The following ZNF384 variants were observed in gnomAD, a reference collection of about 807,000 sequenced individuals.
ZNF384 encodes the protein CAG repeat protein 1.
ZNF384 carries 20 observed loss-of-function variants against 65.0 expected under a neutral mutation model. That is an observed-to-expected ratio of 0.31 (90% CI 0.22 to 0.45). ZNF384 has a LOEUF of 0.45. Ranked by LOEUF, ZNF384 falls within the 20% of genes least tolerant of loss-of-function variation. The pLI, the probability that ZNF384 is intolerant of heterozygous loss-of-function variation, is 1.00. For synonymous variants in ZNF384, 310 were observed against 303.9 expected (o/e 1.02, Z -0.21); for missense variants, 549 against 769.4 (o/e 0.71, Z 3.39).
At chr12:6,685,776 C>CAAAAAAAAAAAAA (rs778337408) in intron 2 of ZNF384, among the ~76,000 whole-genome samples, 1 of 43,232 alleles carries the variant, frequency 2.3e-5, no homozygotes, top group Non-Finnish European at 4.7e-5. Flanking sequence ...GACTCAGTCT[C>CAAAAAAAAAAAAA]AAAAAAAAAA....
At chr12:6,669,319 T>C (rs1253555111) in intron 10 of ZNF384, 130 bp from the exon 11 acceptor site, 14 of 934,830 alleles carry the variant, frequency 1.5e-5, no homozygotes, top group Non-Finnish European at 1.9e-5. Flanking sequence ...AAAGTAGAAA[T>C]TGTTTCAAAT....
In ZNF384 at chr12:6,673,467, A is replaced by C. The variant is rs1166080849; in HGVS notation, c.780-27T>G. On this transcript the variant is annotated intron_variant, in intron 7 of 11. Transcript: ENST00000683879. This position sits in a 1 kb window ranked among gnomAD's most constrained non-coding sequence, Gnocchi z 4.7. ...TGAGCCAAGTGAGGGCAATGGTTAGAACCCTTCCCATCAAGAAGGTGTGGC... is the reference window on the plus strand; with the variant it reads ...TGAGCCAAGTGAGGGCAATGGTTAGCACCCTTCCCATCAAGAAGGTGTGGC... 1 of 1,604,562 alleles carries C rather than the reference A, an allele frequency of 6.2e-7. No homozygotes were observed. The highest frequency in any genetic ancestry group is 8.5e-7 in the Non-Finnish European group (1 of 1,173,180).
chr12:6,667,358 T>C lies in ZNF384; in HGVS notation c.*356A>G, dbSNP rs1017576516. On this transcript the variant is annotated 3_prime_UTR_variant, in exon 12 of 12. Coordinates refer to ENST00000683879, the MANE Select transcript of ZNF384 (RefSeq NM_001385745.1). ...CTCTAGTCTTACATCAGCCCAAACT[T>C]TGAGGATAAGGAGGGTAAGGATAGG... is the stretch of plus-strand genomic sequence containing the variant. 3.9e-5 allele frequency: 17 copies of C among 430,816 alleles called. No individual in the cohort carries two copies. Among genetic ancestry groups the C allele is most frequent in the Non-Finnish European group, 7.0e-5 (16 of 230,084 alleles). 26.7% of individuals were successfully genotyped at this position (430,816 alleles called of 1,614,324 possible).
At position 6,674,644 on chromosome 12, in the gene ZNF384, T is replaced by G. The variant is rs145865776; in HGVS notation, c.780-1204A>C. On this transcript the variant is annotated intron_variant, in intron 7 of 11. Transcript: ENST00000683879. ...GCAGGAGAGAGGGGGAGGCTCTGTTTATAGTGAGCATAATCCAAAGGACAC... is the reference window on the plus strand; with the variant it reads ...GCAGGAGAGAGGGGGAGGCTCTGTTGATAGTGAGCATAATCCAAAGGACAC... Among the ~76,000 whole-genome samples the G allele has an allele frequency of 8.7e-3, 1,326 of 152,320 alleles. 24 individuals are homozygous for G. Among genetic ancestry groups the G allele is most frequent in the African/African-American group, 0.03 (1,259 of 41,558 alleles).
At chr12:6,674,148 G>C (rs1449169876) in intron 7 of ZNF384, among the ~76,000 whole-genome samples, 1 of 152,194 alleles carries the variant, frequency 6.6e-6, no homozygotes, top group African/African-American at 2.4e-5. Context: ...CATCCCTCAA[G>C]CATTTGGGAG....
rs1322304394 is a variant in ZNF384, at chr12:6,673,263, G to T, written c.957C>A (p.Phe319Leu). Residue 319 changes from phenylalanine (F) to leucine (L), a missense_variant, in exon 8 of 12, where the codon TTC (phenylalanine) becomes TTA (leucine). By Grantham distance (22) the Phe-to-Leu change is conservative (BLOSUM62 0). Coordinates refer to ENST00000683879, the MANE Select transcript of ZNF384 (RefSeq NM_001385745.1). The surrounding 1 kb of genome is among the most constrained non-coding windows in gnomAD (Gnocchi z 4.7). The part of the protein sequence containing the change: ...HSGAKPYSCN[F>L]CEKSFRQLSH... ...AGAGCTGGCGGAAGGATTTCTCACAGAAGTTACAACTGTAGGGCTTAGCCC... is the reference window on the plus strand; with the variant it reads ...AGAGCTGGCGGAAGGATTTCTCACATAAGTTACAACTGTAGGGCTTAGCCC... The T allele has an allele frequency of 3.1e-6, 5 of 1,614,052 alleles. No homozygotes were observed. Among genetic ancestry groups the T allele is most frequent in the Non-Finnish European group, 4.2e-6 (5 of 1,180,032 alleles).
chr12:6,671,274 G>A (rs1453870421), intron 9 of ZNF384, among the ~76,000 whole-genome samples: 3 of 152,284 alleles, frequency 2.0e-5, no homozygotes, highest in South Asian at 4.1e-4. Context: ...AGAATGTTAT[G>A]GTAACAAAGA....
intron 9 of ZNF384, 44 bp from the exon 10 acceptor site, chr12:6,670,882 C>T: frequency 6.4e-7 from 1 of 1,570,552 alleles, no homozygotes; most frequent in Non-Finnish European, 8.8e-7. Flanking sequence ...TCAGCAAGAC[C>T]ATTTAGGAAC....
chr12:6,673,566 T>C lies in ZNF384; in HGVS notation c.780-126A>G. The C allele has an allele frequency of 2.9e-6, 2 of 692,872 alleles. No individual in the cohort carries two copies. 42.9% of individuals were successfully genotyped at this position (692,872 alleles called of 1,614,324 possible). A position where few individuals can be genotyped will look rare whatever the true frequency, so the allele number is the denominator to read the frequency against. ...TCCTACTCCAACTTGAGAGTAGAGC[T>C]CTATATATTCATCTTTATGGCCTAA... On this transcript the variant is annotated intron_variant, in intron 7 of 11. Coordinates refer to ENST00000683879, the MANE Select transcript of ZNF384 (RefSeq NM_001385745.1). This position sits in a 1 kb window ranked among gnomAD's most constrained non-coding sequence, Gnocchi z 4.7.
chr12:6,683,645 G>C (rs998390237), intron 2 of ZNF384, among the ~76,000 whole-genome samples: 1 of 134,474 alleles, frequency 7.4e-6, no homozygotes, highest in South Asian at 2.3e-4. Flanking sequence ...CTGGGTGACA[G>C]AGCAAGACCC....
chr12:6,678,255 C>T lies in ZNF384; in HGVS notation c.558G>A (p.Val186=). 6.2e-7 allele frequency: 1 copy of T among 1,614,184 alleles called. No individual in the cohort carries two copies. Among genetic ancestry groups the T allele is most frequent in the Middle Eastern group, 1.6e-4 (1 of 6,062 alleles). ...GGGGGGGGGS[V]APKPPRGRKK... ...TCCGGCCCCGGGGTGGCTTAGGAGC[C>T]ACACTGCCACCTCCACCACCACCTC... The change falls in exon 6 of 12, where the codon GTG becomes GTA. Residue 186 remains valine (V), a synonymous_variant. Coordinates refer to ENST00000683879, the MANE Select transcript of ZNF384 (RefSeq NM_001385745.1). This position sits in a 1 kb window ranked among gnomAD's most constrained non-coding sequence, Gnocchi z 4.9.
chr12:6,678,190 T>C lies in ZNF384; in HGVS notation c.623A>G (p.Asn208Ser). The C allele has an allele frequency of 6.2e-7, 1 of 1,614,162 alleles. No homozygotes were observed. The highest frequency in any genetic ancestry group is 8.5e-7 in the Non-Finnish European group (1 of 1,180,040). Reference sequence around the variant, plus strand: ...CTCAGGGGAGAGGACATAAGGGTCATTCATCTCGGGCAGCCCTGATTCCAG... The same window carrying C: ...CTCAGGGGAGAGGACATAAGGGTCACTCATCTCGGGCAGCCCTGATTCCAG... ...RMLESGLPEM[N>S]DPYVLSPEDD... Residue 208 changes from asparagine (N) to serine (S), a missense_variant, in exon 6 of 12, where the codon AAT becomes AGT. Physicochemically the swap from Asn to Ser is conservative, Grantham distance 46. Transcript: ENST00000683879. This position sits in a 1 kb window ranked among gnomAD's most constrained non-coding sequence, Gnocchi z 4.9.
chr12:6,667,981 T>TTGAGCCTGAGCC lies in ZNF384; in HGVS notation c.1548_1559dup (p.Gln524_Ala527dup), dbSNP rs751912868. 2 of 1,611,920 alleles carry TTGAGCCTGAGCC rather than the reference T, an allele frequency of 1.2e-6. No homozygotes were observed. Among genetic ancestry groups the TTGAGCCTGAGCC allele is most frequent in the East Asian group, 2.2e-5 (1 of 44,824 alleles). ...GGGAGGCCTGGGCCTGGGCCTGGGC[T>TTGAGCCTGAGCC]TGAGCCTGAGCCTGAGCCTGGGCTT... On this transcript the variant is annotated inframe_insertion, in exon 12 of 12. Transcript: ENST00000683879.
chr12:6,666,904 C>CT lies in ZNF384; in HGVS notation c.*809dup, dbSNP rs1011376082. 5.1e-6 allele frequency: 1 copy of CT among 194,558 alleles called. No homozygotes were observed. Among genetic ancestry groups the CT allele is most frequent in the African/African-American group, 2.3e-5 (1 of 43,096 alleles). 12.1% of individuals were successfully genotyped at this position (194,558 alleles called of 1,614,324 possible). ...CCAGTCCTTGCGTTTGCCTTGAACT[C>CT]TCCCTTCTCCGCAACACCCCTGTTT... On this transcript the variant is annotated 3_prime_UTR_variant, in exon 12 of 12. Transcript: ENST00000683879.
rs938534820 is a variant in ZNF384 at position 6,677,125 on chromosome 12, C to T, written c.779+42G>A. 3 of 519,102 alleles carry T rather than the reference C, an allele frequency of 5.8e-6. No individual in the cohort carries two copies. The African/African-American group carries it at 5.9e-5, about 10-fold the overall frequency. 32.2% of individuals were successfully genotyped at this position (519,102 alleles called of 1,614,324 possible). A position where few individuals can be genotyped will look rare whatever the true frequency, so the allele number is the denominator to read the frequency against. ...CATAAACAGAATTATCCCCATTTTACAGATGAGGAAACTGAGGCCCAGAGA... is the reference window on the plus strand; with the variant it reads ...CATAAACAGAATTATCCCCATTTTATAGATGAGGAAACTGAGGCCCAGAGA... On this transcript the variant is annotated intron_variant, in intron 7 of 11. Coordinates refer to ENST00000683879, the MANE Select transcript of ZNF384 (RefSeq NM_001385745.1).
At chr12:6,683,797 T>C (rs1441587822) in intron 2 of ZNF384, among the ~76,000 whole-genome samples, 1 of 151,934 alleles carries the variant, frequency 6.6e-6, no homozygotes, top group Non-Finnish European at 1.5e-5. Context: ...GGCAGGTGGA[T>C]CACAAGGTCA....
rs765467812 is a variant in ZNF384, at chr12:6,673,208, A to T, written c.1004+8T>A. ...CCAGGTGGTGGGGTAAACCAAGAGC[A>T]GCCTTACCGGGTGTGCTGCTGAAGG... On this transcript the variant is annotated splice_region_variant and intron_variant, in intron 8 of 11. Transcript: ENST00000683879. The surrounding 1 kb of genome is among the most constrained non-coding windows in gnomAD (Gnocchi z 4.7). 2 of 1,613,210 alleles carry T rather than the reference A, an allele frequency of 1.2e-6. No individual in the cohort carries two copies. The highest frequency in any genetic ancestry group is 1.7e-6 in the Non-Finnish European group (2 of 1,179,434).
At position 6,678,799 on chromosome 12, in the gene ZNF384, T is replaced by TG; in HGVS notation, c.305-90_305-89insC. 7 of 1,467,062 alleles carry TG rather than the reference T, an allele frequency of 4.8e-6. No individual in the cohort carries two copies. Among genetic ancestry groups the TG allele is most frequent in the Non-Finnish European group, 5.7e-6 (6 of 1,049,620 alleles). 90.9% of individuals were successfully genotyped at this position (1,467,062 alleles called of 1,614,324 possible). The stretch of plus-strand genomic sequence containing the variant: ...TGTATCCCCCACAATGCCTAGCACA[T>TG]TGCTAGGCACACAGTAGGCACTTAA... On this transcript the variant is annotated intron_variant, in intron 4 of 11. Coordinates refer to ENST00000683879, the MANE Select transcript of ZNF384 (RefSeq NM_001385745.1). This position sits in a 1 kb window ranked among gnomAD's most constrained non-coding sequence, Gnocchi z 4.9.
Position 6,678,011 on chromosome 12 carries a change from G to C in ZNF384, c.686+116C>G, listed in dbSNP as rs1418863769. 3.6e-5 allele frequency: 35 copies of C among 970,530 alleles called. No homozygotes were observed. The highest frequency in any genetic ancestry group is 6.2e-4 in the Middle Eastern group (2 of 3,216). 60.1% of individuals were successfully genotyped at this position (970,530 alleles called of 1,614,324 possible). On this transcript the variant is annotated intron_variant, in intron 6 of 11. Coordinates refer to ENST00000683879, the MANE Select transcript of ZNF384 (RefSeq NM_001385745.1). This position sits in a 1 kb window ranked among gnomAD's most constrained non-coding sequence, Gnocchi z 4.9. Reference sequence around the variant, plus strand: ...GGACACCTGACATGCAAGTGGCTCAGAGCTGGGAAGCTGTCAGAGTGTAGC... The same window carrying C: ...GGACACCTGACATGCAAGTGGCTCACAGCTGGGAAGCTGTCAGAGTGTAGC...
Sources: allele counts gnomAD v4.1 joint callset (sites outside exome capture counted in the v4.1 genomes callset), GRCh38; gene constraint gnomAD v4.1.1; non-coding constraint Gnocchi (gnomAD v3.1); transcripts MANE v1.5; gene names NCBI Gene and HGNC (gene_info 2026-07-23, HGNC 2026-07-21).